The following SEH1L variants were observed in gnomAD, a reference collection of about 807,000 sequenced individuals.
SEH1L encodes SEH1 like nucleoporin.
A neutral mutation model predicts 49.5 loss-of-function variants in SEH1L; 18 were observed. That is an observed-to-expected ratio of 0.36 (90% CI 0.25 to 0.54). SEH1L has a LOEUF of 0.54. Among genes scored for constraint, SEH1L ranks in the 20% least tolerant of loss-of-function variants. The pLI, the probability that SEH1L is intolerant of heterozygous loss-of-function variation, is 0.87. For synonymous variants in SEH1L, 169 were observed against 178.1 expected, an observed-to-expected ratio of 0.95 and a Z score of 0.41; for missense variants, 404 against 528.8, an observed-to-expected ratio of 0.76 and a Z score of 2.31.
At chr18:12,963,897 G>C (rs976159079) in intron 4 of SEH1L, among the ~76,000 whole-genome samples, 4 of 152,186 alleles carry the variant, frequency 2.6e-5, no homozygotes. Context: ...ATTTTTAGTA[G>C]ACATGGGGTT....
At chr18:12,966,607 GC>G (rs1269670804) in intron 4 of SEH1L, among the ~76,000 whole-genome samples, 2 of 152,044 alleles carry the variant, frequency 1.3e-5, no homozygotes, top group African/African-American at 4.8e-5. Flanking sequence ...TCGCCTTGTT[GC>G]CCAGAATGGT....
chr18:12,963,488 A>G (rs2031290627), intron 4 of SEH1L, 117 bp downstream of exon 4: 4 of 742,982 alleles, frequency 5.4e-6, no homozygotes, highest in Non-Finnish European at 4.3e-6. Flanking sequence ...TATATAGAGT[A>G]TATGTTCTCC....
At chr18:12,951,429 C>T (rs2030519087) in intron 1 of SEH1L, among the ~76,000 whole-genome samples, 2 of 152,132 alleles carry the variant, frequency 1.3e-5, no homozygotes, top group South Asian at 4.2e-4. Flanking sequence ...CTTGCTTTGT[C>T]TCCCAGGCTG....
chr18:12,959,332 C>A (rs977250998), intron 3 of SEH1L, among the ~76,000 whole-genome samples: 1 of 152,116 alleles, frequency 6.6e-6, no homozygotes, highest in East Asian at 1.9e-4. Flanking sequence ...GCAATATTTG[C>A]ATTTATACTT....
chr18:12,980,894 G>T (rs1247965648), intron 6 of SEH1L, among the ~76,000 whole-genome samples: 1 of 146,330 alleles, frequency 6.8e-6, no homozygotes, highest in African/African-American at 2.5e-5. Flanking sequence ...CCTCCCTTCC[G>T]GACGGGGCGG....
In SEH1L at chr18:12,948,108, G is replaced by T; in HGVS notation, c.-14G>T. ...GCCACTGTCCTCTTCGGAGGCGCGG[G>T]CCCGACGGAAACCATGTTTGTGGCT... On this transcript the variant is annotated 5_prime_UTR_variant, in exon 1 of 9. Coordinates refer to ENST00000399892, the MANE Select transcript of SEH1L (RefSeq NM_001013437.2). 6 of 1,602,708 alleles carry T rather than the reference G, an allele frequency of 3.7e-6. No individual in the cohort carries two copies. The highest frequency in any genetic ancestry group is 5.1e-6 in the Non-Finnish European group (6 of 1,172,704).
At chr18:12,964,978 C>T (rs1047993760) in intron 4 of SEH1L, among the ~76,000 whole-genome samples, 2 of 150,718 alleles carry the variant, frequency 1.3e-5, no homozygotes, top group African/African-American at 4.9e-5. Flanking sequence ...TTATTGCTTC[C>T]CCCTCACATT....
At chr18:12,971,830 G>C (rs542430474) in intron 5 of SEH1L, 1 of 152,454 alleles carries the variant, frequency 6.6e-6, no homozygotes, top group African/African-American at 2.4e-5. Flanking sequence ...TATAGGGTGA[G>C]TAGAAGTTAG....
intron 3 of SEH1L, among the ~76,000 whole-genome samples, chr18:12,957,083 C>A (rs184791957): frequency 5.4e-5 from 8 of 147,350 alleles, no homozygotes; most frequent in African/African-American, 1.8e-4. Flanking sequence ...AAAAAAAATT[C>A]TATAAAAATT....
intron 2 of SEH1L, among the ~76,000 whole-genome samples, chr18:12,953,656 T>TC (rs565875010): frequency 3.9e-4 from 58 of 150,630 alleles, no homozygotes; most frequent in East Asian, 1.9e-3. Context: ...CTATCCAAGG[T>TC]CCCCCCCCCT....
At position 12,978,812 on chromosome 18, in the gene SEH1L, C is replaced by T. The variant is rs150357610; in HGVS notation, c.681C>T (p.Phe227=). 27 of 1,613,452 alleles carry T rather than the reference C, an allele frequency of 1.7e-5. No homozygotes were observed. Among genetic ancestry groups the T allele is most frequent in the South Asian group, 3.3e-5 (3 of 91,076 alleles). The change falls in exon 6 of 9, where the codon TTC becomes TTT. Residue 227 remains phenylalanine, a synonymous_variant. Coordinates refer to ENST00000399892, the MANE Select transcript of SEH1L (RefSeq NM_001013437.2). ...CTGATCCTGTTCATGATATTGCATT[C>T]GCTCCAAATTTGGGAAGATCTTTCC... ...TVTDPVHDIA[F]APNLGRSFHI...
In SEH1L at chr18:12,986,955, GCACTCTTGCGATGCTGA is replaced by G. The variant is rs1303610041; in HGVS notation, c.1169_1185del (p.Ser390CysfsTer18). ...CTCCTCCTCCTCCTCCTCTGGTAGA[GCACTCTTGCGATGCTGA>G]CACTGCCAACCTCCAGTATCCTCAC... On this transcript the variant is annotated frameshift_variant, in exon 9 of 9. Coordinates refer to ENST00000399892, the MANE Select transcript of SEH1L (RefSeq NM_001013437.2). LOFTEE classifies it high-confidence loss of function. The G allele has an allele frequency of 1.9e-6, 3 of 1,613,668 alleles. No individual in the cohort carries two copies. Among genetic ancestry groups the G allele is most frequent in the African/African-American group, 2.7e-5 (2 of 74,804 alleles).
intron 8 of SEH1L, chr18:12,985,009 A>G (rs1365924789): frequency 9.9e-6 from 4 of 403,920 alleles, no homozygotes; most frequent in South Asian, 6.7e-5. Flanking sequence ...ACATGCATCA[A>G]AACAATTTCA....
intron 4 of SEH1L, among the ~76,000 whole-genome samples, chr18:12,965,269 C>T (rs755942807): frequency 6.6e-6 from 1 of 152,086 alleles, no homozygotes; most frequent in Non-Finnish European, 1.5e-5. Context: ...ACCTCGGCCT[C>T]CCAAACTGCT....
chr18:12,974,930 A>G (rs2031854664), intron 5 of SEH1L, among the ~76,000 whole-genome samples: 1 of 152,206 alleles, frequency 6.6e-6, no homozygotes. Context: ...ACTCTCATTG[A>G]GGATCTTATT....
Position 12,951,898 on chromosome 18 carries a change from G to C in SEH1L, c.155G>C (p.Ser52Thr). The stretch of plus-strand genomic sequence containing the variant: ...AGTGGTGATTGGCATTGTACTGCTA[G>C]CTGGAAGGTTAGTATTTATTTTTAC... ...SESGDWHCTA[S>T]WKTHSGSVWR... is the part of the protein sequence containing the mutation. The change falls in exon 2 of 9, where the codon AGC becomes ACC. Residue 52 changes from serine (S) to threonine (T), a missense_variant. This residue lies in a region of SEH1L where 57 missense variants were observed against 71.9 expected (regional missense o/e 0.79). Transcript: ENST00000399892. The C allele has an allele frequency of 6.5e-7, 1 of 1,543,090 alleles. No homozygotes were observed. The highest frequency in any genetic ancestry group is 8.8e-7 in the Non-Finnish European group (1 of 1,131,310).
Position 12,987,050 on chromosome 18 carries a change from G to T in SEH1L, c.1259G>T (p.Gly420Val). ...CTTAATCCCTTACCTGAGAATGAAG[G>T]GATTTAAAACACTGATTTAACATTG... is the stretch of plus-strand genomic sequence containing the variant. ...RPLNPLPENE[G>V]I Residue 420 changes from glycine (G) to valine (V), a missense_variant, in exon 9 of 9, where the codon GGG becomes GTG. Around this residue, in one of 3 missense-constraint regions of SEH1L, gnomAD observed 342 missense variants for 430.8 expected, o/e 0.79. Coordinates refer to ENST00000399892, the MANE Select transcript of SEH1L (RefSeq NM_001013437.2). The T allele has an allele frequency of 6.3e-7, 1 of 1,598,206 alleles. No individual in the cohort carries two copies. The highest frequency in any genetic ancestry group is 2.3e-5 in the East Asian group (1 of 44,174).
At chr18:12,949,016 ATCT>A (rs1226847336) in intron 1 of SEH1L, among the ~76,000 whole-genome samples, 1 of 149,688 alleles carries the variant, frequency 6.7e-6, no homozygotes, top group African/African-American at 2.5e-5. Context: ...CCCCCGGCTA[ATCT>A]TTTTTTTTTT....
intron 5 of SEH1L, 54 bp from the exon 6 acceptor site, chr18:12,978,697 TG>T: frequency 6.8e-7 from 1 of 1,480,450 alleles, no homozygotes; most frequent in Non-Finnish European, 9.4e-7. Flanking sequence ...CAGTGATGTG[TG>T]GATTTTTGCA....
Sources: allele counts gnomAD v4.1 joint callset (sites outside exome capture counted in the v4.1 genomes callset), GRCh38; gene constraint gnomAD v4.1.1; regional missense constraint gnomAD v4.1.1; transcripts MANE v1.5; gene names NCBI Gene and HGNC (gene_info 2026-07-23, HGNC 2026-07-21).